Variants in KLRD1 observed in about 807,000 individuals in gnomAD.
KLRD1 encodes killer cell lectin like receptor D1.
Under a neutral mutation model 22.6 loss-of-function variants are expected in KLRD1, and 21 were observed. That is an observed-to-expected ratio of 0.93 (90% CI 0.66 to 1.34). KLRD1 has a LOEUF of 1.34. Ranked by LOEUF, KLRD1 falls within the 40% of genes most tolerant of loss-of-function variation. The probability of loss-of-function intolerance (pLI) is 0.00; values close to 1 mark genes in which losing one functional copy is unlikely to be tolerated. For synonymous variants in KLRD1, 59 were observed against 71.1 expected (o/e 0.83, Z 0.85); for missense variants, 183 against 208.6 (o/e 0.88, Z 0.76).
chr12:10,268,216 T>A (rs1949517205), intron 1 of KLRD1, among the ~76,000 whole-genome samples: 1 of 152,162 alleles, frequency 6.6e-6, no homozygotes, highest in Non-Finnish European at 1.5e-5. Context: ...TTACACTGGC[T>A]CAGTGAGCCG....
chr12:10,244,306 C>A (rs1949270630), intron 1 of KLRD1, among the ~76,000 whole-genome samples: 1 of 152,144 alleles, frequency 6.6e-6, no homozygotes, highest in Non-Finnish European at 1.5e-5. Flanking sequence ...GGACAGGGAA[C>A]TGGAGAACAG....
At chr12:10,263,308 A>G (rs996016168) in intron 1 of KLRD1, among the ~76,000 whole-genome samples, 2 of 152,056 alleles carry the variant, frequency 1.3e-5, no homozygotes, top group Non-Finnish European at 1.5e-5. Flanking sequence ...ATTCATTAAC[A>G]TTAAAATTAT....
At chr12:10,285,140 T>C in intron 1 of KLRD1, among the ~76,000 whole-genome samples, 1 of 152,240 alleles carries the variant, frequency 6.6e-6, no homozygotes, top group East Asian at 1.9e-4. Flanking sequence ...ATGTTGCCAG[T>C]GTACCATGCT....
chr12:10,313,965 G>A (rs2927555), intron 5 of KLRD1, among the ~76,000 whole-genome samples: 2 of 152,086 alleles, frequency 1.3e-5, no homozygotes, highest in African/African-American at 2.4e-5. Context: ...GTTAACTGAA[G>A]TGCATTTTTC....
At chr12:10,250,008 AT>A (rs1267414614) in intron 1 of KLRD1, among the ~76,000 whole-genome samples, 1 of 152,150 alleles carries the variant, frequency 6.6e-6, no homozygotes, top group Non-Finnish European at 1.5e-5. Flanking sequence ...CTCGAAGACC[AT>A]TAGGATCACT....
chr12:10,289,427 C>T (rs1949744437), intron 1 of KLRD1, among the ~76,000 whole-genome samples: 1 of 152,210 alleles, frequency 6.6e-6, no homozygotes, highest in Non-Finnish European at 1.5e-5. Flanking sequence ...TCATAAACTT[C>T]TTTCTATGCT....
At chr12:10,290,108 G>A (rs1488271434) in intron 1 of KLRD1, among the ~76,000 whole-genome samples, 1 of 152,142 alleles carries the variant, frequency 6.6e-6, no homozygotes, top group Non-Finnish European at 1.5e-5. Context: ...AATTGAAACT[G>A]TAAAATGATA....
rs1288838996 is a variant in KLRD1 at position 10,264,682 on chromosome 12, C to CTGTGTGTGTGTG, written c.-101+38459_-101+38470dup. Among the ~76,000 whole-genome samples the CTGTGTGTGTGTG allele has an allele frequency of 6.8e-3, 1,012 of 149,844 alleles. 18 individuals are homozygous for CTGTGTGTGTGTG. Among genetic ancestry groups the CTGTGTGTGTGTG allele is most frequent in the East Asian group, 0.066 (337 of 5,096 alleles). Reference sequence around the variant, plus strand: ...GTCCATCGTCTCACATAGTTACCTTCTGTGTGTGTGTGTGTGTGTGTAGTG... The same window carrying CTGTGTGTGTGTG: ...GTCCATCGTCTCACATAGTTACCTTCTGTGTGTGTGTGTGTGTGTGTGTGTGTGTGTGTAGTG... On this transcript the variant is annotated intron_variant, in intron 1 of 5. Transcript: ENST00000544747.
intron 1 of KLRD1, among the ~76,000 whole-genome samples, chr12:10,260,691 A>C (rs1047087873): frequency 2.2e-4 from 34 of 152,134 alleles, no homozygotes; most frequent in Non-Finnish European, 3.8e-4. Context: ...CTGTAATCCG[A>C]GCACTTTGGG....
rs1375786668 is a variant in KLRD1 at position 10,254,419 on chromosome 12, C to G, written c.-101+28186C>G. Among the ~76,000 whole-genome samples, 5 of 106,626 alleles carry G rather than the reference C, an allele frequency of 4.7e-5. No individual in the cohort carries two copies. In the South Asian group the frequency reaches 1.6e-3, roughly 33 times the overall value. 70.0% of individuals were successfully genotyped at this position (106,626 alleles called of 152,430 possible). A position where few individuals can be genotyped will look rare whatever the true frequency, so the allele number is the denominator to read the frequency against. On this transcript the variant is annotated intron_variant, in intron 1 of 5. Coordinates refer to the KLRD1 transcript ENST00000544747. ...TGCACTCCAGGCTGGGCGACAGAGC[C>G]ACACTCCGTCTCAAAAAAAAAAAAA...
intron 1 of KLRD1, among the ~76,000 whole-genome samples, chr12:10,254,443 A>AG (rs201336497): frequency 6.6e-6 from 1 of 150,938 alleles, no homozygotes; most frequent in African/African-American, 2.5e-5. Context: ...AAAAAAAAAA[A>AG]AAAAAAAAAC....
At chr12:10,293,166 A>ATATATATATATATATGTG (rs1362325145) in intron 1 of KLRD1, among the ~76,000 whole-genome samples, 2 of 120,946 alleles carry the variant, frequency 1.7e-5, no homozygotes, top group Non-Finnish European at 3.5e-5. Context: ...CCATATATAT[A>ATATATATATATATATGTG]TACACATATA....
At position 10,286,662 on chromosome 12, in the gene KLRD1, C is replaced by CTTTTTTTTTT. The variant is rs747241701; in HGVS notation, c.-100-21298_-100-21289dup. 1.6e-4 allele frequency among the ~76,000 whole-genome samples: 9 copies of CTTTTTTTTTT among 54,808 alleles called. 1 individual carries two copies. The highest frequency in any genetic ancestry group is 3.1e-4 in the African/African-American group (4 of 12,944). The allele number at this position is 54,808 out of a possible 152,430, so 36.0% of individuals were successfully genotyped here. A position where few individuals can be genotyped will look rare whatever the true frequency, so the allele number is the denominator to read the frequency against. ...TCATCATTTTATTTCGCTTATGGTG[C>CTTTTTTTTTT]TTTTTTTTTTTTTTTTTTTTTTTTT... On this transcript the variant is annotated intron_variant, in intron 1 of 5. Transcript: ENST00000544747.
intron 1 of KLRD1, among the ~76,000 whole-genome samples, chr12:10,260,450 G>A (rs900607829): frequency 1.2e-4 from 18 of 152,004 alleles, no homozygotes; most frequent in Admixed American, 1.2e-3. Flanking sequence ...TCTATCAGTT[G>A]TGGAAAATTC....
chr12:10,277,330 A>G (rs1343865836), intron 1 of KLRD1, among the ~76,000 whole-genome samples: 2 of 152,188 alleles, frequency 1.3e-5, no homozygotes, highest in Non-Finnish European at 2.9e-5. Flanking sequence ...GAAAAGGGAA[A>G]AATATAAACA....
rs1272380882 is a variant in KLRD1, at chr12:10,315,009, A to C, written c.*216A>C. The C allele has an allele frequency of 3.3e-5, 12 of 363,020 alleles. 1 individual carries two copies. Among genetic ancestry groups the C allele is most frequent in the Non-Finnish European group, 5.8e-5 (12 of 207,536 alleles). 22.5% of individuals were successfully genotyped at this position (363,020 alleles called of 1,614,324 possible). A position where few individuals can be genotyped will look rare whatever the true frequency, so the allele number is the denominator to read the frequency against. On this transcript the variant is annotated 3_prime_UTR_variant, in exon 6 of 6. Transcript: ENST00000336164. ...GAGAATTATAAAATTAACATAAAGA[A>C]TTTTGTATTTTCATTTAATGTATAT... is the stretch of plus-strand genomic sequence containing the variant.
intron 1 of KLRD1, among the ~76,000 whole-genome samples, chr12:10,269,704 TC>T (rs1194158986): frequency 6.6e-6 from 1 of 152,198 alleles, no homozygotes; most frequent in Non-Finnish European, 1.5e-5. Context: ...TTTATATCTA[TC>T]TATGCCTCCA....
intron 1 of KLRD1, among the ~76,000 whole-genome samples, chr12:10,260,942 A>C (rs1949447496): frequency 7.4e-6 from 1 of 134,988 alleles, no homozygotes; most frequent in Non-Finnish European, 1.6e-5. Context: ...ACTCCATCAC[A>C]AAAAACAACA....
chr12:10,242,694 A>T (rs943530266), intron 1 of KLRD1, among the ~76,000 whole-genome samples: 57 of 152,250 alleles, frequency 3.7e-4, no homozygotes, highest in African/African-American at 1.2e-3. Flanking sequence ...CCACAGCCTC[A>T]CTAATACTTA....
Sources: allele counts gnomAD v4.1 joint callset (sites outside exome capture counted in the v4.1 genomes callset), GRCh38; gene constraint gnomAD v4.1.1; transcripts MANE v1.5; gene names NCBI Gene and HGNC (gene_info 2026-07-23, HGNC 2026-07-21).